The following MGMT variants were observed in gnomAD, a reference collection of about 807,000 sequenced individuals.
The protein encoded by MGMT is methylated-DNA--protein-cysteine methyltransferase.
In MGMT, 14 loss-of-function variants were observed where a neutral mutation model predicts 15.9. That is an observed-to-expected ratio of 0.88 (90% CI 0.58 to 1.37). The LOEUF (loss-of-function observed/expected upper bound fraction) is 1.37, where lower values mean the gene tolerates loss of function less well. Ranked by LOEUF, MGMT falls within the 40% of genes most tolerant of loss-of-function variation. The pLI, the probability that MGMT is intolerant of heterozygous loss-of-function variation, is 0.00. For missense variants in MGMT, 282 were observed against 268.1 expected (o/e 1.05, Z -0.36); for synonymous variants, 130 against 118.2 (o/e 1.10, Z -0.65).
chr10:129,575,820 C>T (rs936827569), intron 2 of MGMT, among the ~76,000 whole-genome samples: 1 of 151,984 alleles, frequency 6.6e-6, no homozygotes, highest in South Asian at 2.1e-4. Context: ...AGAGAAGAAT[C>T]AAATAGACGC....
At chr10:129,744,653 C>T (rs1250072065) in intron 3 of MGMT, among the ~76,000 whole-genome samples, 4 of 152,214 alleles carry the variant, frequency 2.6e-5, no homozygotes, top group East Asian at 1.9e-4. Flanking sequence ...CTGCGTGCCA[C>T]GGAGAGCCAG....
At chr10:129,708,940 A>G (rs1433727961) in intron 3 of MGMT, among the ~76,000 whole-genome samples, 1 of 152,252 alleles carries the variant, frequency 6.6e-6, no homozygotes, top group Non-Finnish European at 1.5e-5. Context: ...GAAAATGGAG[A>G]GAACTTTTCA....
chr10:129,515,212 C>T (rs531104022), intron 1 of MGMT, among the ~76,000 whole-genome samples: 8 of 152,346 alleles, frequency 5.3e-5, no homozygotes, highest in Non-Finnish European at 8.8e-5. Context: ...TGAGAGGACA[C>T]GTGTGCAGGA....
At chr10:129,706,641 A>G (rs1040925713) in intron 2 of MGMT, among the ~76,000 whole-genome samples, 1 of 152,170 alleles carries the variant, frequency 6.6e-6, no homozygotes, top group African/African-American at 2.4e-5. Flanking sequence ...GAAGGAAGGA[A>G]GGGAGTCACC....
At chr10:129,680,331 C>T (rs1459462162) in intron 2 of MGMT, among the ~76,000 whole-genome samples, 12 of 152,252 alleles carry the variant, frequency 7.9e-5, no homozygotes, top group Admixed American at 5.2e-4. Flanking sequence ...TTGGGGATCC[C>T]GTGCTAGATT....
rs117996799 is a variant in MGMT, at chr10:129,642,942, A to G, written c.126-64953A>G. 3.2e-4 allele frequency among the ~76,000 whole-genome samples: 48 copies of G among 152,256 alleles called. No individual in the cohort carries two copies. In the East Asian group the frequency reaches 7.9e-3, roughly 25 times the overall value. ...ATAAGAACCTGTCTCTTAAGAAAAAAAAAAGAAAAAAAGGTAATAAAAGAG... is the reference window on the plus strand; with the variant it reads ...ATAAGAACCTGTCTCTTAAGAAAAAGAAAAGAAAAAAAGGTAATAAAAGAG... On this transcript the variant is annotated intron_variant, in intron 2 of 4. Coordinates refer to ENST00000651593, the MANE Select transcript of MGMT (RefSeq NM_002412.5).
intron 2 of MGMT, among the ~76,000 whole-genome samples, chr10:129,577,531 T>C (rs1403058652): frequency 3.3e-5 from 5 of 152,102 alleles, no homozygotes; most frequent in South Asian, 2.1e-4. Context: ...ATACAAAAAT[T>C]AATTCAAGAT....
At chr10:129,715,122 C>T (rs185954888) in intron 3 of MGMT, among the ~76,000 whole-genome samples, 2 of 152,098 alleles carry the variant, frequency 1.3e-5, no homozygotes, top group Non-Finnish European at 1.5e-5. Context: ...GTGGACATAA[C>T]GAGGGTCTCT....
intron 3 of MGMT, among the ~76,000 whole-genome samples, chr10:129,724,695 G>A (rs1848411922): frequency 6.6e-6 from 1 of 152,120 alleles, no homozygotes. Flanking sequence ...TGGAGAGATG[G>A]ATAGATATAT....
intron 3 of MGMT, among the ~76,000 whole-genome samples, chr10:129,734,238 AGCAGTGGTTTGTAGTTCT>A (rs1848534819): frequency 7.0e-6 from 1 of 142,242 alleles, no homozygotes; most frequent in Admixed American, 7.6e-5. Flanking sequence ...TATTTCATTG[AGCAGTGGTTTGTAGTTCT>A]CCTTGAAGAG....
chr10:129,478,166 G>A (rs901872679), intron 1 of MGMT, among the ~76,000 whole-genome samples: 1 of 152,092 alleles, frequency 6.6e-6, no homozygotes, highest in African/African-American at 2.4e-5. Context: ...CAGCTCAAAT[G>A]CTGCCAGACT....
At position 129,766,618 on chromosome 10, in the gene MGMT, G is replaced by A. The variant is rs573667410; in HGVS notation, c.415-170G>A. Among the ~76,000 whole-genome samples, 58 of 152,318 alleles carry A rather than the reference G, an allele frequency of 3.8e-4. 2 individuals carry two copies. Among genetic ancestry groups the A allele is most frequent in the African/African-American group, 1.2e-3 (49 of 41,574 alleles). ...GGGACTCAAGGGCCTCAGGGGAGGG[G>A]AAGTCCATGCTGAGACATAGCTGAC... is the stretch of plus-strand genomic sequence containing the variant. On this transcript the variant is annotated intron_variant, in intron 4 of 4. Coordinates refer to ENST00000651593, the MANE Select transcript of MGMT (RefSeq NM_002412.5).
chr10:129,474,924 T>A (rs921315905), intron 1 of MGMT, among the ~76,000 whole-genome samples: 3 of 152,086 alleles, frequency 2.0e-5, no homozygotes, highest in Admixed American at 2.0e-4. Context: ...TAGGGAGACG[T>A]GCTTGTCACA....
chr10:129,653,042 A>G (rs1279085920), intron 2 of MGMT, among the ~76,000 whole-genome samples: 4 of 152,184 alleles, frequency 2.6e-5, no homozygotes, highest in Admixed American at 2.6e-4. Context: ...GGCTGAGAAT[A>G]TATCAGTGGC....
chr10:129,623,721 A>G (rs992282232), intron 2 of MGMT, among the ~76,000 whole-genome samples: 7 of 152,036 alleles, frequency 4.6e-5, no homozygotes, highest in Admixed American at 2.0e-4. Context: ...AAGTCTTGCT[A>G]TGTTGCCCAG....
At chr10:129,707,406 G>A (rs1196615039) in intron 2 of MGMT, among the ~76,000 whole-genome samples, 1 of 151,884 alleles carries the variant, frequency 6.6e-6, no homozygotes, top group African/African-American at 2.4e-5. Flanking sequence ...CCTCTGGAGC[G>A]TGGGAATCAG....
chr10:129,578,447 A>T (rs11016844), intron 2 of MGMT, among the ~76,000 whole-genome samples: 51,155 of 150,104 alleles, frequency 0.34, 9,022 homozygotes, highest in Non-Finnish European at 0.39. Flanking sequence ...AAAACCAAAC[A>T]CCGCATGTTC....
intron 2 of MGMT, among the ~76,000 whole-genome samples, chr10:129,578,346 T>C (rs1435814545): frequency 3.3e-5 from 5 of 152,190 alleles, no homozygotes; most frequent in Non-Finnish European, 7.3e-5. Context: ...TGGAATACTA[T>C]GCAGCCATAA....
intron 2 of MGMT, among the ~76,000 whole-genome samples, chr10:129,574,836 A>G (rs1299979520): frequency 6.6e-6 from 1 of 152,210 alleles, no homozygotes. Context: ...CTGCCTTCAT[A>G]GCTTTTTCAA....
Sources: gnomAD v4.1 joint callset for allele counts (sites outside exome capture counted in the v4.1 genomes callset) on GRCh38, gnomAD v4.1.1 for gene constraint, MANE v1.5 for transcripts, NCBI Gene and HGNC (gene_info 2026-07-23, HGNC 2026-07-21) for gene names.